Variants in GTF3C3 observed in about 807,000 individuals in gnomAD.
GTF3C3 encodes the protein general transcription factor 3C polypeptide 3.
GTF3C3 carries 75 observed loss-of-function variants against 105.2 expected under a neutral mutation model. That is an observed-to-expected ratio of 0.71 (90% CI 0.59 to 0.86). GTF3C3 has a LOEUF of 0.86. GTF3C3 is among the 40% of genes least tolerant of loss of function. The probability of loss-of-function intolerance (pLI) is 0.00; values close to 1 mark genes in which losing one functional copy is unlikely to be tolerated. For missense variants in GTF3C3, 856 were observed against 1,076.5 expected (o/e 0.80, Z 2.87); for synonymous variants, 335 against 370.4 (o/e 0.90, Z 1.10).
intron 16 of GTF3C3, among the ~76,000 whole-genome samples, chr2:196,769,562 A>G (rs1699133482): frequency 6.6e-6 from 1 of 152,172 alleles, no homozygotes; most frequent in South Asian, 2.1e-4. Flanking sequence ...CAATCATATT[A>G]TTGTATAATT....
At position 196,778,804 on chromosome 2, in the gene GTF3C3, A is replaced by G. The variant is rs1699298007; in HGVS notation, c.1390+92T>C. On this transcript the variant is annotated intron_variant, in intron 10 of 17. Coordinates refer to ENST00000263956, the MANE Select transcript of GTF3C3 (RefSeq NM_012086.5). ...AAAAAACTCCCCTGAAACCAGAAAC[A>G]CTTGCACTATAATAATTATTACCAT... 8 of 1,155,924 alleles carry G rather than the reference A, an allele frequency of 6.9e-6. No individual in the cohort carries two copies. In the East Asian group the frequency reaches 1.9e-4, roughly 27 times the overall value. The allele number at this position is 1,155,924 out of a possible 1,614,324, so 71.6% of individuals were successfully genotyped here.
Position 196,764,660 on chromosome 2 carries a change from A to T in GTF3C3, c.2564T>A (p.Leu855Ter). 2 of 1,612,130 alleles carry T rather than the reference A, an allele frequency of 1.2e-6. No homozygotes were observed. Among genetic ancestry groups the T allele is most frequent in the African/African-American group, 1.3e-5 (1 of 75,002 alleles). The change falls in exon 18 of 18, where the codon TTA becomes TAA. Residue 855 changes from leucine to a stop codon, truncating the protein, a stop_gained. Transcript: ENST00000263956. LOFTEE classifies it high-confidence loss of function. Reference sequence around the variant, plus strand: ...CAAGTTGTAGGCAATATCTCTTCGTAAGTCTAACTGGTCAAGTTCTATACC... The same window carrying T: ...CAAGTTGTAGGCAATATCTCTTCGTTAGTCTAACTGGTCAAGTTCTATACC... ...VEGIELDQLD[L>*]RRDIAYNLSL...
At position 196,764,468 on chromosome 2, in the gene GTF3C3, A is replaced by T. The variant is rs573600069; in HGVS notation, c.*95T>A. ...TTTGTTAGGTAATTCTGAAATTGTCATTTCTATTTTGGAGTTACAAATAAT... is the reference window on the plus strand; with the variant it reads ...TTTGTTAGGTAATTCTGAAATTGTCTTTTCTATTTTGGAGTTACAAATAAT... On this transcript the variant is annotated 3_prime_UTR_variant, in exon 18 of 18. Coordinates refer to ENST00000263956, the MANE Select transcript of GTF3C3 (RefSeq NM_012086.5). The T allele has an allele frequency of 8.9e-5, 99 of 1,106,418 alleles. 3 individuals are homozygous for T. The South Asian group carries it at 2.1e-3, about 24-fold the overall frequency. 68.5% of individuals were successfully genotyped at this position (1,106,418 alleles called of 1,614,324 possible). A position where few individuals can be genotyped will look rare whatever the true frequency, so the allele number is the denominator to read the frequency against.
At position 196,776,942 on chromosome 2, in the gene GTF3C3, A is replaced by T. The variant is rs1401893459; in HGVS notation, c.1391-313T>A. ...ATCAAACTGATTATGTAATTATATC[A>T]TTTGCCATTTAGGTTGCTTTCAAAT... On this transcript the variant is annotated intron_variant, in intron 10 of 17. Coordinates refer to ENST00000263956, the MANE Select transcript of GTF3C3 (RefSeq NM_012086.5). The surrounding 1 kb of genome is among the most constrained non-coding windows in gnomAD (Gnocchi z 4.5). Among the ~76,000 whole-genome samples, 1 of 152,158 alleles carries T rather than the reference A, an allele frequency of 6.6e-6. No individual in the cohort carries two copies. Among genetic ancestry groups the T allele is most frequent in the Non-Finnish European group, 1.5e-5 (1 of 68,026 alleles).
intron 13 of GTF3C3, 86 bp downstream of exon 13, chr2:196,775,030 C>T: frequency 2.3e-6 from 2 of 881,936 alleles, no homozygotes; most frequent in Non-Finnish European, 3.4e-6. Context: ...AGTATATTTT[C>T]AATTAGATTG....
In GTF3C3 at chr2:196,776,619, C is replaced by T; in HGVS notation, c.1401G>A (p.Lys467=). The change falls in exon 11 of 18, where the codon AAG becomes AAA. Residue 467 remains lysine, a synonymous_variant. Coordinates refer to ENST00000263956, the MANE Select transcript of GTF3C3 (RefSeq NM_012086.5). This position sits in a 1 kb window ranked among gnomAD's most constrained non-coding sequence, Gnocchi z 4.5. The part of the protein sequence containing the change: ...VVWLRHAECL[K]ALGYMERAAE... ...CAGCTCGCTCCATATAGCCTAAGGC[C>T]TTTAAACATTCTAAGATGATGTTAA... 2 of 1,610,240 alleles carry T rather than the reference C, an allele frequency of 1.2e-6. No homozygotes were observed. Among genetic ancestry groups the T allele is most frequent in the Middle Eastern group, 1.7e-4 (1 of 6,038 alleles).
At chr2:196,791,507 T>A in intron 3 of GTF3C3, 47 bp from the exon 4 acceptor site, 1 of 1,482,642 alleles carries the variant, frequency 6.7e-7, no homozygotes, top group Non-Finnish European at 9.3e-7. Context: ...AGTGAAGTCT[T>A]AGATTTCAAT....
chr2:196,799,476 G>C (rs1023642297), intron 1 of GTF3C3, 34 bp downstream of exon 1: 1 of 1,506,298 alleles, frequency 6.6e-7, no homozygotes. Context: ...AAGGCAACAA[G>C]AGTGAAGGGC....
chr2:196,769,279 T>C (rs1699128167), intron 16 of GTF3C3, among the ~76,000 whole-genome samples: 1 of 152,176 alleles, frequency 6.6e-6, no homozygotes, highest in Non-Finnish European at 1.5e-5. Flanking sequence ...AAGTCAACAT[T>C]TTCTTTCTTT....
chr2:196,767,831 C>A (rs72918682), intron 16 of GTF3C3, among the ~76,000 whole-genome samples: 16,445 of 152,162 alleles, frequency 0.11, 966 homozygotes, highest in Non-Finnish European at 0.14. Context: ...TGCAAATGAA[C>A]CTGTAGGTCC....
At position 196,771,774 on chromosome 2, in the gene GTF3C3, A is replaced by C; in HGVS notation, c.2234T>G (p.Val745Gly). 2 of 1,613,290 alleles carry C rather than the reference A, an allele frequency of 1.2e-6. No homozygotes were observed. The highest frequency in any genetic ancestry group is 2.2e-5 in the South Asian group (2 of 91,062). ...LCVLNGHNAF[V>G]SGSFKHALGQ... ...AAGCGCATGCTTAAAACTACCAGAT[A>C]CAAATGCATTGTGTCCATTTAAGAC... The change falls in exon 15 of 18, where the codon GTA becomes GGA. Residue 745 changes from valine (V) to glycine (G), a missense_variant. Physicochemically the swap from Val to Gly is moderately radical, Grantham distance 109. Transcript: ENST00000263956.
chr2:196,767,002 A>T (rs1699080058), intron 16 of GTF3C3: 1 of 220,326 alleles, frequency 4.5e-6, no homozygotes, highest in South Asian at 1.6e-4. Flanking sequence ...CAAAACTTTT[A>T]AAAAATAATT....
At chr2:196,771,403 C>A (rs1300538376) in intron 15 of GTF3C3, among the ~76,000 whole-genome samples, 1 of 152,008 alleles carries the variant, frequency 6.6e-6, no homozygotes, top group Non-Finnish European at 1.5e-5. Context: ...AATTGTTGAC[C>A]GTTAAAATGA....
intron 8 of GTF3C3, among the ~76,000 whole-genome samples, chr2:196,781,712 G>T (rs1699367072): frequency 6.6e-6 from 1 of 151,916 alleles, no homozygotes. Context: ...TTAAGAGACT[G>T]TTTTTATCAC....
chr2:196,772,768 T>G, intron 14 of GTF3C3, 148 bp downstream of exon 14: 1 of 529,884 alleles, frequency 1.9e-6, no homozygotes, highest in Non-Finnish European at 3.3e-6. Context: ...GGTCCTAGAG[T>G]GCATCTTCTT....
chr2:196,787,471 C>G (rs146721977), intron 6 of GTF3C3, among the ~76,000 whole-genome samples: 1 of 152,166 alleles, frequency 6.6e-6, no homozygotes, highest in Non-Finnish European at 1.5e-5. Flanking sequence ...CCCCTTAATT[C>G]TTCAGCTTCC....
chr2:196,764,509 A>G lies in GTF3C3; in HGVS notation c.*54T>C. 6.6e-7 allele frequency: 1 copy of G among 1,514,866 alleles called. No homozygotes were observed. The allele number at this position is 1,514,866 out of a possible 1,614,324, so 93.8% of individuals were successfully genotyped here. On this transcript the variant is annotated 3_prime_UTR_variant, in exon 18 of 18. Coordinates refer to ENST00000263956, the MANE Select transcript of GTF3C3 (RefSeq NM_012086.5). ...TACAAATAATAAGCCCTGAGACAGA[A>G]GACACTGGTCCTCACACAGCAGCTG... is the stretch of plus-strand genomic sequence containing the variant.
intron 2 of GTF3C3, among the ~76,000 whole-genome samples, chr2:196,797,495 A>G (rs1042004897): frequency 1.3e-5 from 2 of 152,230 alleles, no homozygotes; most frequent in African/African-American, 4.8e-5. Flanking sequence ...ATAGTCTGGA[A>G]GTGATTAGTT....
intron 10 of GTF3C3, among the ~76,000 whole-genome samples, chr2:196,777,316 G>A (rs550335026): frequency 1.6e-4 from 25 of 152,174 alleles, no homozygotes; most frequent in African/African-American, 5.8e-4. Flanking sequence ...CAAGTTTTGT[G>A]ATCCCCAATA....
Sources: gnomAD v4.1 joint callset for allele counts (sites outside exome capture counted in the v4.1 genomes callset) on GRCh38, gnomAD v4.1.1 for gene constraint, Gnocchi (gnomAD v3.1) non-coding constraint, MANE v1.5 for transcripts, NCBI Gene and HGNC (gene_info 2026-07-23, HGNC 2026-07-21) for gene names.